Variants in CYFIP1 observed in about 807,000 individuals in gnomAD.
The protein encoded by CYFIP1 is cytoplasmic FMR1 interacting protein 1.
In CYFIP1, 58 loss-of-function variants were observed where a neutral mutation model predicts 163.5. The observed-to-expected ratio is 0.35, with a 90% confidence interval of 0.29 to 0.44. The LOEUF (loss-of-function observed/expected upper bound fraction) is 0.44, where lower values mean the gene tolerates loss of function less well. Ranked by LOEUF, CYFIP1 falls within the 20% of genes least tolerant of loss-of-function variation. The probability of loss-of-function intolerance (pLI) is 1.00; values close to 1 mark genes in which losing one functional copy is unlikely to be tolerated. For synonymous variants in CYFIP1, 663 were observed against 660.7 expected (o/e 1.00, Z -0.05); for missense variants, 1,338 against 1,653.8 (o/e 0.81, Z 3.31).
chr15:22,891,734 C>T (rs1341188873), intron 23 of CYFIP1, among the ~76,000 whole-genome samples: 1 of 152,246 alleles, frequency 6.6e-6, no homozygotes, highest in African/African-American at 2.4e-5. Flanking sequence ...GCGCTCCTGC[C>T]AGGTCCAAGG....
At chr15:22,874,408 C>T (rs919775581) in intron 28 of CYFIP1, 142 bp downstream of exon 28, 7 of 578,346 alleles carry the variant, frequency 1.2e-5, no homozygotes, top group African/African-American at 7.8e-5. Flanking sequence ...CTGGTGCACA[C>T]CCCACTTGCA....
At chr15:22,908,154 T>C (rs1006483904) in intron 21 of CYFIP1, among the ~76,000 whole-genome samples, 13 of 152,208 alleles carry the variant, frequency 8.5e-5, no homozygotes, top group Admixed American at 3.9e-4. Context: ...TAGGACTAAC[T>C]GGCAGCTCCC....
chr15:22,963,275 G>A (rs1345386941), intron 1 of CYFIP1, among the ~76,000 whole-genome samples: 2 of 152,168 alleles, frequency 1.3e-5, no homozygotes, highest in African/African-American at 4.8e-5. Context: ...GGAGGCAGAG[G>A]CGGGCGATCA....
intron 1 of CYFIP1, among the ~76,000 whole-genome samples, chr15:22,958,661 C>T (rs563398652): frequency 1.3e-5 from 2 of 152,124 alleles, no homozygotes. Flanking sequence ...CTCCTAACAT[C>T]GCCCTCCCCC....
intron 22 of CYFIP1, among the ~76,000 whole-genome samples, chr15:22,900,272 A>C (rs72698065): frequency 1.3e-5 from 2 of 152,008 alleles, no homozygotes; most frequent in African/African-American, 4.8e-5. Flanking sequence ...CAAGCCAAGA[A>C]CACCCAGAAC....
chr15:22,964,415 G>A (rs1441822979), intron 1 of CYFIP1, among the ~76,000 whole-genome samples: 2 of 126,240 alleles, frequency 1.6e-5, no homozygotes, highest in Non-Finnish European at 3.3e-5. Context: ...ACACCCGGCA[G>A]CCCTGCCAGC....
intron 23 of CYFIP1, among the ~76,000 whole-genome samples, chr15:22,885,371 A>G (rs1160365046): frequency 3.3e-5 from 5 of 152,120 alleles, no homozygotes; most frequent in Non-Finnish European, 5.9e-5. Flanking sequence ...AAGCTCCTCA[A>G]TTCCATCTGA....
chr15:22,905,999 T>G (rs964534202), intron 21 of CYFIP1, among the ~76,000 whole-genome samples: 7 of 152,110 alleles, frequency 4.6e-5, no homozygotes, highest in Non-Finnish European at 5.9e-5. Context: ...GACCTCGTGA[T>G]CTGCCTGCCT....
rs572460197 is a variant in CYFIP1 at position 22,939,312 on chromosome 15, C to T, written c.675G>A (p.Gln225=). The T allele has an allele frequency of 6.2e-7, 1 of 1,614,162 alleles. No homozygotes were observed. Among genetic ancestry groups the T allele is most frequent in the East Asian group, 2.2e-5 (1 of 44,872 alleles). Residue 225 remains glutamine (Q), a synonymous_variant, in exon 8 of 31, where the codon CAG becomes CAA. Transcript: ENST00000617928. The part of the protein sequence containing the change: ...ANHNKITQSL[Q]QQLEVISGYE... ...AGCCAGAAATCACTTCGAGCTGCTG[C>T]TGCAGAGACTGAAACACAGAGCAAG...
chr15:22,895,522 G>A (rs140025883), intron 22 of CYFIP1, among the ~76,000 whole-genome samples: 1 of 152,286 alleles, frequency 6.6e-6, no homozygotes, highest in East Asian at 1.9e-4. Flanking sequence ...ATTGACTCCT[G>A]GGTAGGATTT....
intron 26 of CYFIP1, among the ~76,000 whole-genome samples, chr15:22,875,885 C>CATACATACATATATATATATATATAT (rs56999943): frequency 7.6e-6 from 1 of 130,786 alleles, no homozygotes; most frequent in Non-Finnish European, 1.6e-5. Flanking sequence ...TCCAGAATAA[C>CATACATACATATATATATATATATAT]ATATATATAT....
At chr15:22,879,053 G>A (rs549491278) in intron 26 of CYFIP1, among the ~76,000 whole-genome samples, 3 of 151,922 alleles carry the variant, frequency 2.0e-5, no homozygotes, top group East Asian at 3.9e-4. Flanking sequence ...GGAGAATGGC[G>A]TGAACCCGGG....
chr15:22,893,352 T>C (rs556111420), intron 22 of CYFIP1, among the ~76,000 whole-genome samples: 29 of 152,238 alleles, frequency 1.9e-4, no homozygotes, highest in Admixed American at 1.2e-3. Context: ...GATCACAAGT[T>C]ACACACCAGC....
At chr15:22,957,410 G>A (rs1026370447) in intron 1 of CYFIP1, among the ~76,000 whole-genome samples, 7 of 152,194 alleles carry the variant, frequency 4.6e-5, no homozygotes, top group Admixed American at 2.0e-4. Flanking sequence ...GCCGAGGCAG[G>A]TGGATCACGA....
At chr15:22,928,708 A>G (rs1346634961) in intron 11 of CYFIP1, among the ~76,000 whole-genome samples, 1 of 152,232 alleles carries the variant, frequency 6.6e-6, no homozygotes, top group Non-Finnish European at 1.5e-5. Context: ...GGCACCGTGG[A>G]GAAGGCAGGC....
Position 22,867,460 on chromosome 15 carries a change from C to T in CYFIP1, c.*2568G>A, listed in dbSNP as rs547307176. ...GAGATGATCACCGTGAATCCGGCTT[C>T]CTCTGAGCATTCGATGGCCTTAGCA... On this transcript the variant is annotated 3_prime_UTR_variant, in exon 31 of 31. Transcript: ENST00000617928. The T allele has an allele frequency of 6.4e-5, 22 of 344,276 alleles. No individual in the cohort carries two copies. The highest frequency in any genetic ancestry group is 1.1e-4 in the African/African-American group (5 of 47,430). 21.3% of individuals were successfully genotyped at this position (344,276 alleles called of 1,614,324 possible). A position where few individuals can be genotyped will look rare whatever the true frequency, so the allele number is the denominator to read the frequency against.
chr15:22,880,863 C>T (rs563785762), intron 25 of CYFIP1, among the ~76,000 whole-genome samples: 14 of 152,314 alleles, frequency 9.2e-5, no homozygotes, highest in East Asian at 3.9e-4. Flanking sequence ...CGGGGACGCT[C>T]ATGCACCTGT....
At chr15:22,910,481 C>T in intron 20 of CYFIP1, 39 bp downstream of exon 20, 1 of 1,549,924 alleles carries the variant, frequency 6.5e-7, no homozygotes, top group Non-Finnish European at 8.9e-7. Context: ...CTTTTCAATG[C>T]ACACTCTACG....
chr15:22,969,976 T>C (rs2063036036), intron 1 of CYFIP1, among the ~76,000 whole-genome samples: 1 of 152,150 alleles, frequency 6.6e-6, no homozygotes, highest in Non-Finnish European at 1.5e-5. Flanking sequence ...GATGACATGA[T>C]TTTATATGTA....
Sources: allele counts gnomAD v4.1 joint callset (sites outside exome capture counted in the v4.1 genomes callset), GRCh38; gene constraint gnomAD v4.1.1; transcripts MANE v1.5; gene names NCBI Gene and HGNC (gene_info 2026-07-23, HGNC 2026-07-21).